The following ITPK1 variants were observed in gnomAD, a reference collection of about 807,000 sequenced individuals.
The protein encoded by ITPK1 is inositol-tetrakisphosphate 1-kinase, also known as inositol 1,3,4-trisphosphate 5/6-kinase.
Under a neutral mutation model 45.3 loss-of-function variants are expected in ITPK1, and 21 were observed. The ratio of observed to expected loss-of-function variants is 0.46; its 90% CI spans 0.33 to 0.67. ITPK1 has a LOEUF of 0.67. Among genes scored for constraint, ITPK1 ranks in the 30% least tolerant of loss-of-function variants. The probability of loss-of-function intolerance (pLI) is 0.02; values close to 1 mark genes in which losing one functional copy is unlikely to be tolerated. For missense variants in ITPK1, 474 were observed against 573.5 expected (o/e 0.83, Z 1.77); for synonymous variants, 258 against 253.6 (o/e 1.02, Z -0.16).
At chr14:92,991,050 G>C (rs1266488386) in intron 5 of ITPK1, among the ~76,000 whole-genome samples, 1 of 152,194 alleles carries the variant, frequency 6.6e-6, no homozygotes, top group Non-Finnish European at 1.5e-5. Context: ...GACAACCGGA[G>C]GAAGTCTCAC....
intron 3 of ITPK1, among the ~76,000 whole-genome samples, chr14:93,072,785 TG>T (rs1374495295): frequency 1.1e-4 from 16 of 152,076 alleles, no homozygotes; most frequent in African/African-American, 3.6e-4. Flanking sequence ...TATTTGTGGT[TG>T]GGGGGGAACC....
intron 2 of ITPK1, among the ~76,000 whole-genome samples, chr14:93,111,957 G>A (rs1892772778): frequency 1.3e-5 from 2 of 152,204 alleles, no homozygotes; most frequent in Non-Finnish European, 1.5e-5. Flanking sequence ...AAAGGCTGGC[G>A]CCTGTCCCTA....
At chr14:93,043,624 A>G (rs985113531) in intron 3 of ITPK1, among the ~76,000 whole-genome samples, 1 of 152,266 alleles carries the variant, frequency 6.6e-6, no homozygotes, top group Non-Finnish European at 1.5e-5. Flanking sequence ...CTCAGGCCGT[A>G]GCCAGCCTCA....
intron 10 of ITPK1, among the ~76,000 whole-genome samples, chr14:92,943,576 A>C (rs1887540571): frequency 6.6e-6 from 1 of 152,228 alleles, no homozygotes; most frequent in South Asian, 2.1e-4. Flanking sequence ...CCATCAGGTC[A>C]GCGCCAGGGA....
intron 5 of ITPK1, among the ~76,000 whole-genome samples, chr14:92,980,025 CCCGCCTCAGCCT>C (rs1284553616): frequency 4.6e-5 from 7 of 151,832 alleles, no homozygotes; most frequent in Non-Finnish European, 7.4e-5. Context: ...AAACGATCCA[CCCGCCTCAGCCT>C]CTCAAAGTGC....
At chr14:93,040,602 T>C (rs1218784161) in intron 3 of ITPK1, among the ~76,000 whole-genome samples, 2 of 152,218 alleles carry the variant, frequency 1.3e-5, no homozygotes, top group Admixed American at 6.5e-5. Flanking sequence ...TGAGGCTTCC[T>C]GCACGCAGTC....
At chr14:93,092,673 G>C (rs1043830400) in intron 2 of ITPK1, among the ~76,000 whole-genome samples, 1 of 152,210 alleles carries the variant, frequency 6.6e-6, no homozygotes, top group African/African-American at 2.4e-5. Flanking sequence ...GTAGGTGGAG[G>C]CCAGGGATGC....
Position 92,938,289 on chromosome 14 carries a change from T to A in ITPK1, c.*3272A>T. 1 of 621,666 alleles carries A rather than the reference T, an allele frequency of 1.6e-6. No individual in the cohort carries two copies. The highest frequency in any genetic ancestry group is 2.9e-6 in the Non-Finnish European group (1 of 346,980). 38.5% of individuals were successfully genotyped at this position (621,666 alleles called of 1,614,324 possible). On this transcript the variant is annotated 3_prime_UTR_variant, in exon 11 of 11. Transcript: ENST00000267615. ...TCTAGGGAATAGAAGAGAGGGCAGA[T>A]ACAGACCCCAGGGACATTAGTGAAG...
At chr14:93,094,110 GGTTA>G (rs1277553127) in intron 2 of ITPK1, among the ~76,000 whole-genome samples, 4 of 152,232 alleles carry the variant, frequency 2.6e-5, no homozygotes, top group Non-Finnish European at 5.9e-5. Flanking sequence ...GTCTAGCAGA[GGTTA>G]GTTAACCTCT....
chr14:92,976,716 G>A (rs779894000), intron 5 of ITPK1, among the ~76,000 whole-genome samples: 6 of 152,212 alleles, frequency 3.9e-5, no homozygotes, highest in East Asian at 1.9e-4. Context: ...GCCATAGCAC[G>A]GATCACTATC....
In ITPK1 at chr14:92,969,291, C is replaced by G. The variant is rs77562884; in HGVS notation, c.365-6442G>C. 4.0e-3 allele frequency among the ~76,000 whole-genome samples: 604 copies of G among 151,218 alleles called. 3 individuals are homozygous for G. Among genetic ancestry groups the G allele is most frequent in the African/African-American group, 0.014 (568 of 41,090 alleles). ...GAGATAAATGAAATGTATAGCTGGCCGGAGCTGGCAGGGAAACATTAACCA... is the reference window on the plus strand; with the variant it reads ...GAGATAAATGAAATGTATAGCTGGCGGGAGCTGGCAGGGAAACATTAACCA... On this transcript the variant is annotated intron_variant, in intron 5 of 10. Transcript: ENST00000267615.
At chr14:93,104,246 G>A (rs1203804943) in intron 2 of ITPK1, among the ~76,000 whole-genome samples, 1 of 152,186 alleles carries the variant, frequency 6.6e-6, no homozygotes, top group Non-Finnish European at 1.5e-5. Context: ...AGCATTTTGT[G>A]AGGCCAAGTT....
rs936532757 is a variant in ITPK1, at chr14:93,078,245, C to A, written c.96-1626G>T. On this transcript the variant is annotated intron_variant, in intron 2 of 10. Coordinates refer to ENST00000267615, the MANE Select transcript of ITPK1 (RefSeq NM_014216.6). ...AAGCCCCACAGGAACCTTTGGGCAC[C>A]CTTGCTCCCTTGTTTCATGGCACAG... Among the ~76,000 whole-genome samples, 7 of 152,312 alleles carry A rather than the reference C, an allele frequency of 4.6e-5. No homozygotes were observed. In the East Asian group the frequency reaches 1.4e-3, roughly 29 times the overall value.
chr14:93,107,292 TG>T (rs1166023676), intron 2 of ITPK1, among the ~76,000 whole-genome samples: 3 of 152,090 alleles, frequency 2.0e-5, no homozygotes, highest in African/African-American at 7.2e-5. Context: ...CTATGTGCAC[TG>T]GTATAGGCAC....
rs142985900 is a variant in ITPK1, at chr14:92,988,631, G to T, written c.364+5249C>A. Among the ~76,000 whole-genome samples, 5 of 152,278 alleles carry T rather than the reference G, an allele frequency of 3.3e-5. No individual in the cohort carries two copies. In the East Asian group the frequency reaches 7.7e-4, roughly 24 times the overall value. On this transcript the variant is annotated intron_variant, in intron 5 of 10. Transcript: ENST00000267615. ...CGGTCCCTCTCCATCAGCCACAGGG[G>T]AACTGGGGGTGTGGAAGGGGTACAC...
At chr14:92,991,556 T>C (rs1420151134) in intron 5 of ITPK1, among the ~76,000 whole-genome samples, 1 of 151,956 alleles carries the variant, frequency 6.6e-6, no homozygotes, top group Non-Finnish European at 1.5e-5. Context: ...AACTTTCTAA[T>C]CTCCCAGTGA....
At chr14:92,955,493 C>A (rs1043744262) in intron 8 of ITPK1, among the ~76,000 whole-genome samples, 1 of 152,242 alleles carries the variant, frequency 6.6e-6, no homozygotes, top group African/African-American at 2.4e-5. Context: ...CCGCTAATCT[C>A]TACCCTGGCA....
intron 2 of ITPK1, among the ~76,000 whole-genome samples, chr14:93,101,197 C>T (rs1465216610): frequency 1.3e-5 from 2 of 152,200 alleles, no homozygotes; most frequent in African/African-American, 2.4e-5. Flanking sequence ...TACTTCTGGG[C>T]TGCGAAGCTG....
chr14:93,101,850 C>T (rs949029743), intron 2 of ITPK1, among the ~76,000 whole-genome samples: 2 of 152,146 alleles, frequency 1.3e-5, no homozygotes, highest in Non-Finnish European at 2.9e-5. Context: ...CCAGGGTGAT[C>T]GGCTATGAAA....
Sources: allele counts gnomAD v4.1 joint callset (sites outside exome capture counted in the v4.1 genomes callset), GRCh38; gene constraint gnomAD v4.1.1; transcripts MANE v1.5; gene names NCBI Gene and HGNC (gene_info 2026-07-23, HGNC 2026-07-21).